The following UBE2N variants were observed in gnomAD, a reference collection of about 807,000 sequenced individuals.
UBE2N encodes the protein ubiquitin conjugating enzyme E2 N.
For missense variants in UBE2N, 60 were observed against 192.1 expected (o/e 0.31, Z 4.07); for synonymous variants, 70 against 69.2 (o/e 1.01, Z -0.06).
intron 1 of UBE2N, among the ~76,000 whole-genome samples, chr12:93,436,919 T>C (rs1048967084): frequency 2.6e-5 from 4 of 152,154 alleles, no homozygotes; most frequent in East Asian, 1.9e-4. Flanking sequence ...ATTTTTTATA[T>C]AGCACAATTT....
At chr12:93,428,997 C>T (rs1240660411) in intron 1 of UBE2N, among the ~76,000 whole-genome samples, 1 of 152,114 alleles carries the variant, frequency 6.6e-6, no homozygotes, top group Admixed American at 6.5e-5. Flanking sequence ...GTAGGCCAGG[C>T]GCGGTGGCTC....
At chr12:93,411,448 A>C in intron 1 of UBE2N, 149 bp from the exon 2 acceptor site, 1 of 1,069,036 alleles carries the variant, frequency 9.4e-7, no homozygotes, top group Non-Finnish European at 1.3e-6. Context: ...CAAAATTCAA[A>C]AAAATACCAT....
chr12:93,432,810 C>G (rs564873276), intron 1 of UBE2N, among the ~76,000 whole-genome samples: 1 of 152,178 alleles, frequency 6.6e-6, no homozygotes, highest in East Asian at 1.9e-4. Flanking sequence ...AAACCAGTAT[C>G]TAAAATTACT....
intron 1 of UBE2N, among the ~76,000 whole-genome samples, chr12:93,418,949 G>A (rs1426927132): frequency 6.6e-6 from 1 of 152,074 alleles, no homozygotes; most frequent in Non-Finnish European, 1.5e-5. Context: ...ATGATTAGTG[G>A]CTCCCAAATT....
At chr12:93,433,229 G>A (rs1592750453) in intron 1 of UBE2N, among the ~76,000 whole-genome samples, 5 of 152,054 alleles carry the variant, frequency 3.3e-5, no homozygotes, top group Admixed American at 3.3e-4. Context: ...CACCGCGCCT[G>A]GCCAGGATTT....
chr12:93,414,877 A>G (rs1391143462), intron 1 of UBE2N, among the ~76,000 whole-genome samples: 3 of 152,206 alleles, frequency 2.0e-5, no homozygotes, highest in South Asian at 4.1e-4. Flanking sequence ...GATGGATTTG[A>G]GTCTATTTTA....
At chr12:93,426,825 CGA>C (rs1878604506) in intron 1 of UBE2N, among the ~76,000 whole-genome samples, 2 of 151,500 alleles carry the variant, frequency 1.3e-5, no homozygotes, top group Non-Finnish European at 2.9e-5. Flanking sequence ...GGGAAAACTG[CGA>C]GAGACGACAG....
chr12:93,413,685 G>A (rs975675224), intron 1 of UBE2N, among the ~76,000 whole-genome samples: 1 of 151,810 alleles, frequency 6.6e-6, no homozygotes, highest in African/African-American at 2.4e-5. Context: ...TGGCAAATTG[G>A]TTTTTTTTAT....
Position 93,406,127 on chromosome 12 carries a change from G to A in UBE2N, c.*3912C>T, listed in dbSNP as rs1877798387. 6.6e-6 allele frequency: 1 copy of A among 151,976 alleles called. No homozygotes were observed. The highest frequency in any genetic ancestry group is 6.6e-5 in the Admixed American group (1 of 15,248). The allele number at this position is 151,976 out of a possible 1,614,324, so 9.4% of individuals were successfully genotyped here. A position where few individuals can be genotyped will look rare whatever the true frequency, so the allele number is the denominator to read the frequency against. ...ACTAAAAATACAAAAAATTAGCCAG[G>A]TGTGGTGGCAGGTGTCTGTAGTCCC... On this transcript the variant is annotated 3_prime_UTR_variant, in exon 4 of 4. Transcript: ENST00000318066.
chr12:93,431,225 T>C (rs980564604), intron 1 of UBE2N, among the ~76,000 whole-genome samples: 5 of 151,722 alleles, frequency 3.3e-5, no homozygotes, highest in African/African-American at 9.7e-5. Context: ...CAAAACTCCG[T>C]CTCAAAAAAA....
chr12:93,439,809 AC>A (rs1243171085), intron 1 of UBE2N, among the ~76,000 whole-genome samples: 1 of 152,200 alleles, frequency 6.6e-6, no homozygotes, highest in East Asian at 1.9e-4. Context: ...GTAAGATAAA[AC>A]CCAAATCAAG....
At chr12:93,415,321 G>T (rs1232891122) in intron 1 of UBE2N, among the ~76,000 whole-genome samples, 1 of 152,114 alleles carries the variant, frequency 6.6e-6, no homozygotes, top group Non-Finnish European at 1.5e-5. Context: ...TACTGAAATA[G>T]TCATAAGATG....
chr12:93,417,034 T>G (rs973980790), intron 1 of UBE2N, among the ~76,000 whole-genome samples: 1 of 152,196 alleles, frequency 6.6e-6, no homozygotes. Flanking sequence ...GAAAGCACTG[T>G]AGACTATGTT....
intron 1 of UBE2N, among the ~76,000 whole-genome samples, chr12:93,440,910 C>A (rs767258627): frequency 1.1e-4 from 17 of 151,416 alleles, no homozygotes; most frequent in Non-Finnish European, 2.2e-4. Flanking sequence ...TTAAAACGCA[C>A]AAAATTGAGG....
At chr12:93,414,311 T>C (rs1878129418) in intron 1 of UBE2N, among the ~76,000 whole-genome samples, 1 of 151,944 alleles carries the variant, frequency 6.6e-6, no homozygotes. Flanking sequence ...TAGCTAGGCA[T>C]GGTGGCGCAT....
intron 1 of UBE2N, among the ~76,000 whole-genome samples, chr12:93,426,440 A>G (rs1878587905): frequency 1.3e-5 from 2 of 152,098 alleles, no homozygotes; most frequent in South Asian, 4.1e-4. Context: ...CCCTGAGAAT[A>G]ACTAATTTGA....
chr12:93,428,209 C>T (rs11107022), intron 1 of UBE2N, among the ~76,000 whole-genome samples: 4,779 of 152,190 alleles, frequency 0.031, 102 homozygotes, highest in Non-Finnish European at 0.051. Context: ...CATGAGCCAC[C>T]GCACCCAGCC....
chr12:93,413,889 C>T (rs1034222986), intron 1 of UBE2N, among the ~76,000 whole-genome samples: 21 of 152,200 alleles, frequency 1.4e-4, no homozygotes, highest in South Asian at 4.1e-4. Context: ...GAGCCGGGTG[C>T]GGTGGCTCAC....
intron 1 of UBE2N, 39 bp downstream of exon 1, chr12:93,441,816 G>A (rs921539638): frequency 7.6e-6 from 12 of 1,578,992 alleles, no homozygotes; most frequent in African/African-American, 7.0e-5. Flanking sequence ...GAGCCGACGA[G>A]AGCAGAGCGA....
Sources: gnomAD v4.1 joint callset for allele counts (sites outside exome capture counted in the v4.1 genomes callset) on GRCh38, gnomAD v4.1.1 for gene constraint, MANE v1.5 for transcripts, NCBI Gene and HGNC (gene_info 2026-07-23, HGNC 2026-07-21) for gene names.